Variants in COL27A1 observed in about 807,000 individuals in gnomAD.
The protein encoded by COL27A1 is collagen alpha-1(XXVII) chain.
COL27A1 carries 106 observed loss-of-function variants against 251.3 expected under a neutral mutation model. The ratio of observed to expected loss-of-function variants is 0.42; its 90% CI spans 0.36 to 0.50. The LOEUF (loss-of-function observed/expected upper bound fraction) is 0.50, where lower values mean the gene tolerates loss of function less well. COL27A1 is among the 20% of genes least tolerant of loss of function. The pLI, the probability that COL27A1 is intolerant of heterozygous loss-of-function variation, is 0.00. For missense variants in COL27A1, 2,325 were observed against 2,522.8 expected (o/e 0.92, Z 1.68); for synonymous variants, 1,000 against 986.3 (o/e 1.01, Z -0.26).
intron 14 of COL27A1, among the ~76,000 whole-genome samples, chr9:114,228,711 T>G (rs1335424465): frequency 6.6e-6 from 1 of 152,240 alleles, no homozygotes; most frequent in Non-Finnish European, 1.5e-5. Flanking sequence ...GCACGTCAAG[T>G]GCTTAGCACA....
At chr9:114,265,164 G>A in intron 31 of COL27A1, 54 bp downstream of exon 31, 1 of 525,272 alleles carries the variant, frequency 1.9e-6, no homozygotes, top group Non-Finnish European at 3.7e-6. Context: ...ATGGGGGTGG[G>A]GGGCGGGTGC....
chr9:114,220,800 C>A (rs1418543858), intron 13 of COL27A1, among the ~76,000 whole-genome samples: 4 of 152,024 alleles, frequency 2.6e-5, no homozygotes, highest in Admixed American at 1.3e-4. Flanking sequence ...TCAAGACCAC[C>A]CTGGCCAACA....
Position 114,226,672 on chromosome 9 carries a change from G to A in COL27A1, c.2466+4405G>A, listed in dbSNP as rs543737172. ...AGCTCCAGGTCCCTGTCCCGAACCC[G>A]CCTGGCATTGTTGGCCTTCAAAGGC... On this transcript the variant is annotated intron_variant, in intron 14 of 60. Transcript: ENST00000356083. Among the ~76,000 whole-genome samples the A allele has an allele frequency of 7.2e-5, 11 of 152,376 alleles. No homozygotes were observed. In the South Asian group the frequency reaches 1.7e-3, roughly 23 times the overall value.
In COL27A1 at chr9:114,300,607, T is replaced by C; in HGVS notation, c.4639-18T>C. 1.3e-6 allele frequency: 2 copies of C among 1,535,698 alleles called. No homozygotes were observed. Among genetic ancestry groups the C allele is most frequent in the Non-Finnish European group, 8.8e-7 (1 of 1,142,820 alleles). ...AGTGGCTGCCAAGTACAGACAGCCCTTTCTCTGCCTCCCACAGGGCCCGCC... is the reference window on the plus strand; with the variant it reads ...AGTGGCTGCCAAGTACAGACAGCCCCTTCTCTGCCTCCCACAGGGCCCGCC... On this transcript the variant is annotated intron_variant, in intron 50 of 60. Coordinates refer to ENST00000356083, the MANE Select transcript of COL27A1 (RefSeq NM_032888.4).
intron 8 of COL27A1, 151 bp from the exon 9 acceptor site, chr9:114,205,608 G>C (rs1013820393): frequency 1.4e-6 from 1 of 719,580 alleles, no homozygotes; most frequent in African/African-American, 1.8e-5. Flanking sequence ...TCACAGAGGG[G>C]TGGGCTTGGG....
chr9:114,195,404 G>A (rs527890192), intron 6 of COL27A1, among the ~76,000 whole-genome samples: 5 of 152,268 alleles, frequency 3.3e-5, no homozygotes, highest in African/African-American at 9.6e-5. Context: ...GACGGGCCCA[G>A]CTTACAAATG....
chr9:114,183,682 A>G (rs1220252374), intron 5 of COL27A1, among the ~76,000 whole-genome samples: 1 of 152,024 alleles, frequency 6.6e-6, no homozygotes, highest in Non-Finnish European at 1.5e-5. Context: ...CAGGAGGAGG[A>G]GTAAGATGAT....
chr9:114,168,084 C>G lies in COL27A1; in HGVS notation c.529C>G (p.Arg177Gly). ...CACTCTGGTGACTGCCTGCGGGCAGCGCCGGGTGCCTGTCCTGCTGCCTTT... is the reference window on the plus strand; with the variant it reads ...CACTCTGGTGACTGCCTGCGGGCAGGGCCGGGTGCCTGTCCTGCTGCCTTT... ...TVTLVTACGQ[R>G]RVPVLLPFHR... The change falls in exon 3 of 61, where the codon CGC (arginine) becomes GGC (glycine). Residue 177 changes from arginine (R) to glycine (G), a missense_variant. Arg to Gly is a moderately radical substitution (Grantham distance 125). Around this residue, in one of 4 missense-constraint regions of COL27A1, gnomAD observed 1,183 missense variants for 1,144.1 expected, o/e 1.03. Coordinates refer to ENST00000356083, the MANE Select transcript of COL27A1 (RefSeq NM_032888.4). 6.2e-7 allele frequency: 1 copy of G among 1,610,684 alleles called. No homozygotes were observed.
intron 1 of COL27A1, among the ~76,000 whole-genome samples, chr9:114,158,641 C>T (rs1265729091): frequency 2.0e-5 from 3 of 152,202 alleles, no homozygotes; most frequent in African/African-American, 4.8e-5. Context: ...AGCCCTGAGC[C>T]AGCACAGGCA....
chr9:114,162,603 G>T, intron 1 of COL27A1, 112 bp from the exon 2 acceptor site: 1 of 756,182 alleles, frequency 1.3e-6, no homozygotes, highest in Non-Finnish European at 2.3e-6. Context: ...GCCTCCCGTG[G>T]GCAGGACTGG....
At chr9:114,194,711 C>A (rs1339079115) in intron 6 of COL27A1, among the ~76,000 whole-genome samples, 1 of 152,238 alleles carries the variant, frequency 6.6e-6, no homozygotes, top group Non-Finnish European at 1.5e-5. Context: ...CAAAAGATTT[C>A]TCCTATGGAC....
chr9:114,250,918 C>A (rs371585162), intron 25 of COL27A1, among the ~76,000 whole-genome samples: 1 of 152,146 alleles, frequency 6.6e-6, no homozygotes, highest in Admixed American at 6.5e-5. Flanking sequence ...ATGCATGTGA[C>A]CTGGGCTCCT....
intron 4 of COL27A1, among the ~76,000 whole-genome samples, chr9:114,179,825 C>G (rs990969189): frequency 1.4e-5 from 2 of 145,904 alleles, no homozygotes; most frequent in African/African-American, 5.0e-5. Flanking sequence ...CCTCCAGAGC[C>G]TACCATCTTT....
rs760577315 is a variant in COL27A1 at position 114,195,929 on chromosome 9, T to C, written c.2071-30T>C. 5 of 1,575,250 alleles carry C rather than the reference T, an allele frequency of 3.2e-6. No individual in the cohort carries two copies. The East Asian group carries it at 1.1e-4, about 35-fold the overall frequency. ...CAGAGTGTCTCTGCTCCCGTTTTCC[T>C]GCCTCACCCACCTTGTCTGTGTCTT... is the stretch of plus-strand genomic sequence containing the variant. On this transcript the variant is annotated intron_variant, in intron 6 of 60. Coordinates refer to ENST00000356083, the MANE Select transcript of COL27A1 (RefSeq NM_032888.4).
intron 6 of COL27A1, among the ~76,000 whole-genome samples, chr9:114,195,450 A>G (rs1247213699): frequency 6.6e-6 from 1 of 152,148 alleles, no homozygotes; most frequent in East Asian, 1.9e-4. Flanking sequence ...GGCTTGCTGG[A>G]GGTCATGCAG....
At chr9:114,226,985 T>C (rs778584922) in intron 14 of COL27A1, among the ~76,000 whole-genome samples, 5 of 152,174 alleles carry the variant, frequency 3.3e-5, no homozygotes, top group South Asian at 2.1e-4. Context: ...AGGGAAGTGA[T>C]GTTAGTGCTG....
intron 28 of COL27A1, among the ~76,000 whole-genome samples, chr9:114,259,854 T>C (rs949178638): frequency 9.8e-5 from 15 of 152,318 alleles, no homozygotes; most frequent in Admixed American, 7.8e-4. Flanking sequence ...TCTGTGATTA[T>C]TATTCTCCTC....
At chr9:114,219,225 G>A (rs1310626987) in intron 12 of COL27A1, among the ~76,000 whole-genome samples, 1 of 152,178 alleles carries the variant, frequency 6.6e-6, no homozygotes, top group African/African-American at 2.4e-5. Context: ...GCATCTCTCT[G>A]AGCTGCTGAA....
intron 39 of COL27A1, among the ~76,000 whole-genome samples, 197 bp downstream of exon 39, chr9:114,282,761 C>G (rs1836005984): frequency 6.6e-6 from 1 of 152,226 alleles, no homozygotes; most frequent in Admixed American, 6.5e-5. Context: ...AGCCCCGCCT[C>G]CGGAACAGTA....
Sources: gnomAD v4.1 joint callset for allele counts (sites outside exome capture counted in the v4.1 genomes callset) on GRCh38, gnomAD v4.1.1 for gene constraint, gnomAD v4.1.1 regional missense constraint, MANE v1.5 for transcripts, NCBI Gene and HGNC (gene_info 2026-07-23, HGNC 2026-07-21) for gene names.